Variants in ANKRD44 observed in about 807,000 individuals in gnomAD.
The protein encoded by ANKRD44 is serine/threonine-protein phosphatase 6 regulatory ankyrin repeat subunit B.
ANKRD44 carries 35 observed loss-of-function variants against 116.0 expected under a neutral mutation model. The ratio of observed to expected loss-of-function variants is 0.30; its 90% CI spans 0.23 to 0.40. ANKRD44 has a LOEUF of 0.40. Ranked by LOEUF, ANKRD44 falls within the 10% of genes least tolerant of loss-of-function variation. The pLI, the probability that ANKRD44 is intolerant of heterozygous loss-of-function variation, is 1.00. For missense variants in ANKRD44, 1,014 were observed against 1,242.6 expected (o/e 0.82, Z 2.77); for synonymous variants, 435 against 461.8 (o/e 0.94, Z 0.74).
intron 10 of ANKRD44, among the ~76,000 whole-genome samples, chr2:197,095,981 C>G (rs756279148): frequency 6.6e-6 from 1 of 152,170 alleles, no homozygotes; most frequent in Non-Finnish European, 1.5e-5. Flanking sequence ...ATTCATGTAT[C>G]ATTATGATAA....
chr2:197,213,527 C>T (rs2081371882), intron 1 of ANKRD44, among the ~76,000 whole-genome samples: 1 of 152,184 alleles, frequency 6.6e-6, no homozygotes, highest in Non-Finnish European at 1.5e-5. Flanking sequence ...AAAAACATCT[C>T]ATTAGCAAAG....
chr2:197,155,981 A>G (rs181044167), intron 2 of ANKRD44, among the ~76,000 whole-genome samples: 15 of 152,236 alleles, frequency 9.9e-5, no homozygotes, highest in Non-Finnish European at 1.3e-4. Context: ...AAACAATCCA[A>G]TTAAAAAGTA....
At chr2:197,147,973 C>T in intron 2 of ANKRD44, 1 of 402,482 alleles carries the variant, frequency 2.5e-6, no homozygotes, top group Non-Finnish European at 5.0e-6. Flanking sequence ...ATCTGACCTT[C>T]ACCCAGCAGA....
chr2:197,187,016 C>G lies in ANKRD44; in HGVS notation c.111+7G>C, dbSNP rs999624642. The G allele has an allele frequency of 6.2e-7, 1 of 1,613,844 alleles. No homozygotes were observed. The highest frequency in any genetic ancestry group is 8.5e-7 in the Non-Finnish European group (1 of 1,179,844). The stretch of plus-strand genomic sequence containing the variant: ...GGCCTGAGTAGCAAAACCACAGTAT[C>G]TCTTACCAGAGTATTCACATCTTCA... On this transcript the variant is annotated splice_region_variant and intron_variant, in intron 2 of 27. Coordinates refer to ENST00000282272, the MANE Select transcript of ANKRD44 (RefSeq NM_001195144.2).
chr2:197,109,849 A>G (rs1227656562), intron 9 of ANKRD44, among the ~76,000 whole-genome samples: 1 of 152,178 alleles, frequency 6.6e-6, no homozygotes, highest in Non-Finnish European at 1.5e-5. Context: ...AACATGAACC[A>G]GGATGTAAAA....
chr2:197,093,190 A>T lies in ANKRD44; in HGVS notation c.1101-3158T>A, dbSNP rs1022772383. On this transcript the variant is annotated intron_variant, in intron 10 of 27. Coordinates refer to ENST00000282272, the MANE Select transcript of ANKRD44 (RefSeq NM_001195144.2). ...TAATATATATACAATATAGTTTATA[A>T]AGTTCCATATGTATCTTTATGTAAA... 1.1e-4 allele frequency among the ~76,000 whole-genome samples: 16 copies of T among 152,148 alleles called. No homozygotes were observed. In the East Asian group the frequency reaches 3.1e-3, roughly 29 times the overall value.
At chr2:197,227,108 A>G (rs2081735779) in intron 1 of ANKRD44, among the ~76,000 whole-genome samples, 1 of 152,194 alleles carries the variant, frequency 6.6e-6, no homozygotes, top group South Asian at 2.1e-4. Context: ...ATCTATATTA[A>G]TGGTTTTCTT....
chr2:197,189,583 AT>A (rs2080773472), intron 1 of ANKRD44, among the ~76,000 whole-genome samples: 1 of 152,234 alleles, frequency 6.6e-6, no homozygotes, highest in Non-Finnish European at 1.5e-5. Context: ...AAAAAAAAAT[AT>A]TGAATCTTGT....
intron 1 of ANKRD44, among the ~76,000 whole-genome samples, chr2:197,272,298 A>G (rs367827608): frequency 4.7e-4 from 72 of 152,162 alleles, no homozygotes; most frequent in African/African-American, 1.6e-3. Flanking sequence ...GAGTGCAGTG[A>G]CACGATCTCA....
At chr2:197,180,276 G>A (rs773929942) in intron 2 of ANKRD44, among the ~76,000 whole-genome samples, 1 of 152,212 alleles carries the variant, frequency 6.6e-6, no homozygotes, top group African/African-American at 2.4e-5. Flanking sequence ...TTGGCCCACG[G>A]ATGTGTTTTC....
At chr2:197,194,496 T>A (rs1031644707) in intron 1 of ANKRD44, among the ~76,000 whole-genome samples, 2 of 152,196 alleles carry the variant, frequency 1.3e-5, no homozygotes, top group Non-Finnish European at 2.9e-5. Context: ...GTCTAATGAT[T>A]TGCCTGTTAG....
chr2:197,068,374 AAAAAG>A (rs2077481973), intron 16 of ANKRD44, among the ~76,000 whole-genome samples: 1 of 45,956 alleles, frequency 2.2e-5, no homozygotes, highest in Non-Finnish European at 9.4e-5. Flanking sequence ...AAAAAATAAA[AAAAAG>A]AAAAAAATAA....
rs189945371 is a variant in ANKRD44, at chr2:196,999,905, T to C, written c.2519+514A>G. Among the ~76,000 whole-genome samples the C allele has an allele frequency of 3.1e-3, 472 of 152,246 alleles. 2 individuals carry two copies. The highest frequency in any genetic ancestry group is 0.011 in the African/African-American group (445 of 41,560). On this transcript the variant is annotated intron_variant, in intron 23 of 27. Transcript: ENST00000282272. ...ACTGTACCCTGCCCAGACACACATA[T>C]GAGAATGTTCACCACACCACACTTT...
rs553184115 is a variant in ANKRD44, at chr2:196,989,523, C to T, written c.*68G>A. 920 of 1,325,762 alleles carry T rather than the reference C, an allele frequency of 6.9e-4. 1 individual carries two copies. Among genetic ancestry groups the T allele is most frequent in the South Asian group, 3.1e-3 (201 of 64,986 alleles). 82.1% of individuals were successfully genotyped at this position (1,325,762 alleles called of 1,614,324 possible). ...GGCTGATGAACTACACACACACACA[C>T]ATATATATATATATACACACGCACA... On this transcript the variant is annotated 3_prime_UTR_variant, in exon 28 of 28. Transcript: ENST00000282272.
intron 4 of ANKRD44, among the ~76,000 whole-genome samples, chr2:197,129,634 A>G (rs2079054496): frequency 6.6e-6 from 1 of 152,226 alleles, no homozygotes; most frequent in Admixed American, 6.5e-5. Context: ...GTAACTGGAC[A>G]TGCCATTTGC....
chr2:196,988,661 A>C lies in ANKRD44; in HGVS notation c.*930T>G. On this transcript the variant is annotated 3_prime_UTR_variant, in exon 28 of 28. Coordinates refer to ENST00000282272, the MANE Select transcript of ANKRD44 (RefSeq NM_001195144.2). ...TTTGAAATATCTCACATACACTATA[A>C]AATAGCAATTTCCAGGGTGGAAATG... 1.0e-6 allele frequency: 1 copy of C among 985,312 alleles called. No individual in the cohort carries two copies. Among genetic ancestry groups the C allele is most frequent in the Non-Finnish European group, 1.2e-6 (1 of 829,804 alleles). 61.0% of individuals were successfully genotyped at this position (985,312 alleles called of 1,614,324 possible).
intron 16 of ANKRD44, among the ~76,000 whole-genome samples, chr2:197,072,444 A>C (rs1412963398): frequency 1.3e-5 from 2 of 152,230 alleles, no homozygotes; most frequent in Non-Finnish European, 2.9e-5. Flanking sequence ...TGGTATTGGA[A>C]AGTAATCAAA....
Position 197,212,145 on chromosome 2 carries a change from G to A in ANKRD44, c.28-25039C>T, listed in dbSNP as rs565806090. Among the ~76,000 whole-genome samples the A allele has an allele frequency of 6.6e-6, 1 of 152,164 alleles. No homozygotes were observed. The highest frequency in any genetic ancestry group is 2.4e-5 in the African/African-American group (1 of 41,504). On this transcript the variant is annotated intron_variant, in intron 1 of 27. Coordinates refer to ENST00000282272, the MANE Select transcript of ANKRD44 (RefSeq NM_001195144.2). The surrounding 1 kb of genome is among the most constrained non-coding windows in gnomAD (Gnocchi z 4.8). Reference sequence around the variant, plus strand: ...TAGAGTTTTGGAACTGGAACAAGGAGGGACTTTCTGGTGGATCAAAGTATG... The same window carrying A: ...TAGAGTTTTGGAACTGGAACAAGGAAGGACTTTCTGGTGGATCAAAGTATG...
intron 1 of ANKRD44, among the ~76,000 whole-genome samples, chr2:197,283,817 C>T (rs778450266): frequency 3.3e-5 from 5 of 152,148 alleles, no homozygotes; most frequent in Non-Finnish European, 5.9e-5. Context: ...AGCTTGGGAA[C>T]TATTCTATGT....
Sources: gnomAD v4.1 joint callset for allele counts (sites outside exome capture counted in the v4.1 genomes callset) on GRCh38, gnomAD v4.1.1 for gene constraint, Gnocchi (gnomAD v3.1) non-coding constraint, MANE v1.5 for transcripts, NCBI Gene and HGNC (gene_info 2026-07-23, HGNC 2026-07-21) for gene names.